The following FREM2 variants were observed in gnomAD, a reference collection of about 807,000 sequenced individuals.
The protein encoded by FREM2 is FRAS1-related extracellular matrix protein 2.
FREM2 carries 119 observed loss-of-function variants against 219.9 expected under a neutral mutation model. That is an observed-to-expected ratio of 0.54 (90% CI 0.47 to 0.63). The LOEUF (loss-of-function observed/expected upper bound fraction) is 0.63, where lower values mean the gene tolerates loss of function less well. Among genes scored for constraint, FREM2 ranks in the 30% least tolerant of loss-of-function variants. FREM2 has a pLI of 0.00. For synonymous variants in FREM2, 1,562 were observed against 1,522.8 expected (o/e 1.03, Z -0.60); for missense variants, 4,030 against 3,993.6 (o/e 1.01, Z -0.25).
At chr13:38,830,841 G>C (rs953822281) in intron 6 of FREM2, among the ~76,000 whole-genome samples, 2 of 152,162 alleles carry the variant, frequency 1.3e-5, no homozygotes, top group Non-Finnish European at 2.9e-5. Flanking sequence ...TACAGCAGCT[G>C]TCACCTGTTA....
At chr13:38,767,157 A>G (rs933091092) in intron 3 of FREM2, among the ~76,000 whole-genome samples, 1 of 152,230 alleles carries the variant, frequency 6.6e-6, no homozygotes, top group Non-Finnish European at 1.5e-5. Flanking sequence ...GAGATAAGTT[A>G]ATAACTTGCC....
chr13:38,822,536 G>A (rs765720452), intron 6 of FREM2, among the ~76,000 whole-genome samples: 87 of 151,832 alleles, frequency 5.7e-4, no homozygotes, highest in African/African-American at 1.6e-3. Context: ...TATGCCTGTG[G>A]GTCTAGCGTG....
rs9566367 is a variant in FREM2, at chr13:38,850,852, A to G, written c.6578-92A>G. The G allele has an allele frequency of 7.2e-4, 1,043 of 1,441,552 alleles. 9 individuals carry two copies. In the East Asian group the frequency reaches 0.014, roughly 20 times the overall value. The allele number at this position is 1,441,552 out of a possible 1,614,324, so 89.3% of individuals were successfully genotyped here. ...TATTTATTGCACTGATACAGCAGGG[A>G]AAATCAACAAACTTGCCCTTATGGT... On this transcript the variant is annotated intron_variant, in intron 9 of 23. Transcript: ENST00000280481.
intron 6 of FREM2, among the ~76,000 whole-genome samples, chr13:38,833,868 C>T (rs561250274): frequency 8.5e-5 from 13 of 152,204 alleles, no homozygotes; most frequent in African/African-American, 3.1e-4. Flanking sequence ...GACCACACTC[C>T]TTTGGCTTCA....
intron 4 of FREM2, among the ~76,000 whole-genome samples, chr13:38,775,125 T>G (rs1251294200): frequency 6.6e-6 from 1 of 152,226 alleles, no homozygotes. Context: ...AAAATCTGTA[T>G]TCTGAATGAG....
chr13:38,831,185 A>G (rs1876495369), intron 6 of FREM2, among the ~76,000 whole-genome samples: 1 of 152,168 alleles, frequency 6.6e-6, no homozygotes, highest in Admixed American at 6.5e-5. Flanking sequence ...TGGAATAGAA[A>G]AAATATTTTA....
chr13:38,747,224 G>A (rs1872520206), intron 2 of FREM2, among the ~76,000 whole-genome samples: 2 of 152,034 alleles, frequency 1.3e-5, no homozygotes, highest in Non-Finnish European at 2.9e-5. Flanking sequence ...AGATAGTTAT[G>A]AGATTTTCCT....
rs191062134 is a variant in FREM2, at chr13:38,808,965, G to A, written c.6019+24157G>A. 1.3e-3 allele frequency among the ~76,000 whole-genome samples: 201 copies of A among 151,920 alleles called. 1 individual carries two copies. Among genetic ancestry groups the A allele is most frequent in the African/African-American group, 4.7e-3 (196 of 41,536 alleles). ...AGGTATGTCTGTGTTTCATTAAACAGGTTTTTGGGTTTTTGGTGCTTTTCT... is the reference window on the plus strand; with the variant it reads ...AGGTATGTCTGTGTTTCATTAAACAAGTTTTTGGGTTTTTGGTGCTTTTCT... On this transcript the variant is annotated intron_variant, in intron 6 of 23. Transcript: ENST00000280481.
Position 38,851,708 on chromosome 13 carries a change from A to C in FREM2, c.6765A>C (p.Glu2255Asp). Residue 2255 changes from glutamate (E) to aspartate (D), a missense_variant, in exon 11 of 24, where the codon GAA (glutamate) becomes GAC (aspartate). Glu to Asp is a conservative substitution (Grantham distance 45, BLOSUM62 2). Around this residue, in one of 2 missense-constraint regions of FREM2, gnomAD observed 3,102 missense variants for 2,950.7 expected, o/e 1.05. Transcript: ENST00000280481. ...DADKTVIKFGETKFSVTEPKE... is the reference protein window; with the variant it reads ...DADKTVIKFGDTKFSVTEPKE... ...TAGAGACTGTTATTAAATTTGGAGA[A>C]ACCAAATTTAGTGTCACTGAACCCA... 1 of 1,612,192 alleles carries C rather than the reference A, an allele frequency of 6.2e-7. No homozygotes were observed. Among genetic ancestry groups the C allele is most frequent in the Non-Finnish European group, 8.5e-7 (1 of 1,178,326 alleles).
intron 4 of FREM2, among the ~76,000 whole-genome samples, chr13:38,782,798 G>A (rs1874168919): frequency 6.6e-6 from 1 of 152,206 alleles, no homozygotes; most frequent in Non-Finnish European, 1.5e-5. Context: ...AACTGTGTCA[G>A]CATGACTTAT....
intron 2 of FREM2, among the ~76,000 whole-genome samples, chr13:38,753,807 A>T (rs1872872871): frequency 6.6e-6 from 1 of 152,150 alleles, no homozygotes; most frequent in African/African-American, 2.4e-5. Flanking sequence ...ACTAAGTGTA[A>T]GCTCCCAATT....
In FREM2 at chr13:38,878,819, T is replaced by G. The variant is rs1026827483; in HGVS notation, c.8860-12T>G. ...TATCTACAGCAATCACCACTTTCCT[T>G]ACTGCTTAAAGGACAAAGCTCAGCC... On this transcript the variant is annotated splice_polypyrimidine_tract_variant and intron_variant, in intron 22 of 23. Coordinates refer to ENST00000280481, the MANE Select transcript of FREM2 (RefSeq NM_207361.6). 4 of 1,613,952 alleles carry G rather than the reference T, an allele frequency of 2.5e-6. No homozygotes were observed. The highest frequency in any genetic ancestry group is 3.4e-6 in the Non-Finnish European group (4 of 1,179,902).
chr13:38,873,048 ATTTTCT>A (rs1316392485), intron 17 of FREM2, 114 bp downstream of exon 17: 3 of 815,094 alleles, frequency 3.7e-6, no homozygotes, highest in Admixed American at 4.4e-5. Flanking sequence ...GTATATTTTC[ATTTTCT>A]ATCTATAATA....
Position 38,688,215 on chromosome 13 carries a change from G to A in FREM2, c.871G>A (p.Ala291Thr), listed in dbSNP as rs982499550. The change falls in exon 1 of 24, where the codon GCT (alanine) becomes ACT (threonine). Residue 291 changes from alanine (A) to threonine (T), a missense_variant. By Grantham distance (58) the Ala-to-Thr change is moderately conservative. This residue lies in a region of FREM2 where 3,102 missense variants were observed against 2,950.7 expected (regional missense o/e 1.05). Coordinates refer to ENST00000280481, the MANE Select transcript of FREM2 (RefSeq NM_207361.6). Reference sequence around the variant, plus strand: ...GGTGGTGGAGCTGCGTTCACGAGGGGCTCCTGTGGGCAGCCCTGCTTTGAA... The same window carrying A: ...GGTGGTGGAGCTGCGTTCACGAGGGACTCCTGTGGGCAGCCCTGCTTTGAA... ...PMVVELRSRG[A>T]PVGSPALKRE... is the part of the protein sequence containing the mutation. The A allele has an allele frequency of 1.9e-6, 3 of 1,613,050 alleles. No homozygotes were observed. Among genetic ancestry groups the A allele is most frequent in the East Asian group, 4.5e-5 (2 of 44,854 alleles).
At chr13:38,707,385 AT>A (rs1383540537) in intron 2 of FREM2, among the ~76,000 whole-genome samples, 1 of 152,118 alleles carries the variant, frequency 6.6e-6, no homozygotes, top group East Asian at 1.9e-4. Context: ...AACTTAGAAC[AT>A]TTTTTTCTGC....
intron 6 of FREM2, among the ~76,000 whole-genome samples, chr13:38,838,334 T>G (rs1237280348): frequency 2.9e-4 from 44 of 152,224 alleles, no homozygotes; most frequent in Non-Finnish European, 1.5e-5. Flanking sequence ...GATCCACTGT[T>G]AGTCTGATGG....
chr13:38,717,497 A>G (rs1007885732), intron 2 of FREM2, among the ~76,000 whole-genome samples: 3 of 139,298 alleles, frequency 2.2e-5, no homozygotes, highest in African/African-American at 7.9e-5. Flanking sequence ...GCTCACTGCA[A>G]CTTCTACCTC....
At chr13:38,813,563 CTA>C (rs71074484) in intron 6 of FREM2, among the ~76,000 whole-genome samples, 169 of 5,092 alleles carry the variant, frequency 0.033, 4 homozygotes, top group Middle Eastern at 0.17. Context: ...CTCTCTCTCT[CTA>C]TATATATATA....
In FREM2 at chr13:38,878,966, C is replaced by T. The variant is rs776805096; in HGVS notation, c.8995C>T (p.Pro2999Ser). Residue 2999 changes from proline to serine, a missense_variant, in exon 23 of 24, where the codon CCA (proline) becomes TCA (serine). Physicochemically the swap from Pro to Ser is moderately conservative, Grantham distance 74. Around this residue, in one of 2 missense-constraint regions of FREM2, gnomAD observed 928 missense variants for 1,042.9 expected, o/e 0.89. Transcript: ENST00000280481. ...TGATGGATTTAAAGTCGACTCAACA[C>T]CACTCTTTCAGGTAGGCCAAAAACA... The part of the protein sequence containing the change: ...GSDGFKVDST[P>S]LFQVALGREW... The T allele has an allele frequency of 8.1e-6, 13 of 1,613,994 alleles. No homozygotes were observed. The highest frequency in any genetic ancestry group is 1.1e-5 in the Non-Finnish European group (13 of 1,179,986).
Sources: gnomAD v4.1 joint callset for allele counts (sites outside exome capture counted in the v4.1 genomes callset) on GRCh38, gnomAD v4.1.1 for gene constraint, gnomAD v4.1.1 regional missense constraint, MANE v1.5 for transcripts, NCBI Gene and HGNC (gene_info 2026-07-23, HGNC 2026-07-21) for gene names.